GDI2: variants seen among roughly 807,000 people sequenced by gnomAD.
The protein encoded by GDI2 is GDP dissociation inhibitor 2, also known as rab GDP dissociation inhibitor beta.
A neutral mutation model predicts 54.2 loss-of-function variants in GDI2; 22 were observed. The ratio of observed to expected loss-of-function variants is 0.41; its 90% CI spans 0.29 to 0.58. The LOEUF (loss-of-function observed/expected upper bound fraction) is 0.58, where lower values mean the gene tolerates loss of function less well. Among genes scored for constraint, GDI2 ranks in the 20% least tolerant of loss-of-function variants. GDI2 has a pLI of 0.35. For synonymous variants in GDI2, 177 were observed against 182.1 expected (o/e 0.97, Z 0.23); for missense variants, 422 against 546.0 (o/e 0.77, Z 2.26).
chr10:5,804,637 T>C (rs576794098), intron 1 of GDI2, among the ~76,000 whole-genome samples: 2 of 152,170 alleles, frequency 1.3e-5, no homozygotes, highest in Non-Finnish European at 2.9e-5. Context: ...TTTATTATCA[T>C]TGCTATAGAG....
intron 1 of GDI2, among the ~76,000 whole-genome samples, chr10:5,805,006 G>T (rs1210172522): frequency 6.6e-6 from 1 of 151,832 alleles, no homozygotes; most frequent in East Asian, 1.9e-4. Context: ...GCTAATTTTT[G>T]TATTTTTAGT....
intron 6 of GDI2, among the ~76,000 whole-genome samples, chr10:5,781,075 T>C (rs1840743561): frequency 6.6e-6 from 1 of 151,360 alleles, no homozygotes. Flanking sequence ...CAAAACAAAC[T>C]CATATGTAGC....
intron 4 of GDI2, among the ~76,000 whole-genome samples, chr10:5,786,770 CTG>C (rs1337917940): frequency 6.6e-6 from 1 of 152,214 alleles, no homozygotes; most frequent in African/African-American, 2.4e-5. Context: ...TTTTCCGCCT[CTG>C]TATGCTAAGA....
intron 1 of GDI2, among the ~76,000 whole-genome samples, chr10:5,810,295 GA>G (rs1055627713): frequency 8.5e-5 from 13 of 152,168 alleles, no homozygotes; most frequent in African/African-American, 2.6e-4. Context: ...AAAATGGGAA[GA>G]AAAAAACCTC....
intron 1 of GDI2, chr10:5,811,863 T>A (rs1260247722): frequency 1.2e-6 from 1 of 868,756 alleles, no homozygotes; most frequent in Non-Finnish European, 1.6e-6. Flanking sequence ...CGATTCTAAT[T>A]CTTCACAAAC....
rs376239370 is a variant in GDI2, at chr10:5,768,396, C to T, written c.820-12G>A. On this transcript the variant is annotated splice_polypyrimidine_tract_variant and intron_variant, in intron 7 of 10. Transcript: ENST00000380191. This position sits in a 1 kb window ranked among gnomAD's most constrained non-coding sequence, Gnocchi z 4.4. ...TTACAGCGAGCAATCTATAACAAAG[C>T]ATTTAAGAAGACACTGAAGCGGACA... is the stretch of plus-strand genomic sequence containing the variant. 4 of 1,586,188 alleles carry T rather than the reference C, an allele frequency of 2.5e-6. No homozygotes were observed. In the African/African-American group the frequency reaches 4.0e-5, roughly 16 times the overall value.
At chr10:5,788,837 A>C (rs1199901894) in intron 4 of GDI2, among the ~76,000 whole-genome samples, 1 of 151,832 alleles carries the variant, frequency 6.6e-6, no homozygotes, top group African/African-American at 2.4e-5. Flanking sequence ...ATTTCGGCTC[A>C]CTGCAACCTC....
At chr10:5,788,913 C>A (rs367575455) in intron 4 of GDI2, among the ~76,000 whole-genome samples, 54 of 152,194 alleles carry the variant, frequency 3.5e-4, no homozygotes, top group African/African-American at 1.2e-3. Flanking sequence ...AAGGCATGCA[C>A]CATCAGACCT....
In GDI2 at chr10:5,808,283, C is replaced by CT. The variant is rs201774176; in HGVS notation, c.45+4930_45+4931insA. Among the ~76,000 whole-genome samples the CT allele has an allele frequency of 5.3e-3, 812 of 152,320 alleles. 9 individuals are homozygous for CT. Among genetic ancestry groups the CT allele is most frequent in the African/African-American group, 0.019 (778 of 41,558 alleles). On this transcript the variant is annotated intron_variant, in intron 1 of 10. Coordinates refer to ENST00000380191, the MANE Select transcript of GDI2 (RefSeq NM_001494.4). The stretch of plus-strand genomic sequence containing the variant: ...GAGGCTACAGTGAGCTGTGATCACA[C>CT]AACTGCACTCCAGCCTGGGTAAGAG...
chr10:5,793,730 C>T (rs902406740), intron 4 of GDI2, among the ~76,000 whole-genome samples: 1 of 152,170 alleles, frequency 6.6e-6, no homozygotes, highest in Admixed American at 6.6e-5. Context: ...CCAAACTGCT[C>T]CATACAAGGA....
intron 7 of GDI2, among the ~76,000 whole-genome samples, chr10:5,771,652 A>G (rs1228390770): frequency 1.3e-5 from 2 of 152,046 alleles, no homozygotes; most frequent in South Asian, 2.1e-4. Flanking sequence ...TCTTAAGGCT[A>G]TGCTTCCTAA....
At chr10:5,800,388 G>A (rs953166897) in intron 2 of GDI2, among the ~76,000 whole-genome samples, 1 of 152,152 alleles carries the variant, frequency 6.6e-6, no homozygotes, top group Non-Finnish European at 1.5e-5. Context: ...ACTATTCTCT[G>A]TTAATGCTAA....
At chr10:5,795,383 A>C (rs1841122232) in intron 3 of GDI2, among the ~76,000 whole-genome samples, 1 of 152,180 alleles carries the variant, frequency 6.6e-6, no homozygotes, top group African/African-American at 2.4e-5. Context: ...TGGCCTCCCA[A>C]GTGCTGGGAT....
intron 1 of GDI2, among the ~76,000 whole-genome samples, chr10:5,804,096 CT>C (rs34897650): frequency 6.1e-5 from 9 of 147,316 alleles, no homozygotes; most frequent in Non-Finnish European, 7.5e-5. Flanking sequence ...ATCATTCTTT[CT>C]TTTTTTTTTT....
chr10:5,785,240 A>G lies in GDI2; in HGVS notation c.621T>C (p.Asn207=). 2.5e-6 allele frequency: 4 copies of G among 1,602,264 alleles called. No homozygotes were observed. The highest frequency in any genetic ancestry group is 3.4e-6 in the Non-Finnish European group (4 of 1,169,758). ...AAGATTCACTGTAAAGTTTAATTCT[A>G]TTAATGGTTTCATAACACGGTTGAT... ...YLDQPCYETI[N]RIKLYSESLA... Residue 207 remains asparagine (N), a synonymous_variant, in exon 6 of 11, where the codon AAT becomes AAC. Transcript: ENST00000380191.
chr10:5,801,868 G>A (rs1302424990), intron 1 of GDI2, among the ~76,000 whole-genome samples: 1 of 151,882 alleles, frequency 6.6e-6, no homozygotes, highest in Non-Finnish European at 1.5e-5. Flanking sequence ...AAAATTAGCA[G>A]GGCATGGTGG....
Position 5,765,886 on chromosome 10 carries a change from C to A in GDI2, c.*120G>T. On this transcript the variant is annotated 3_prime_UTR_variant, in exon 11 of 11. Coordinates refer to ENST00000380191, the MANE Select transcript of GDI2 (RefSeq NM_001494.4). ...AGGTGAAGGGGAGTATTTACTGGCA[C>A]AGCGCTCTTCATTCTCTCCATTTTC... The A allele has an allele frequency of 1.4e-6, 1 of 727,922 alleles. No individual in the cohort carries two copies. Among genetic ancestry groups the A allele is most frequent in the Non-Finnish European group, 2.3e-6 (1 of 443,464 alleles). The allele number at this position is 727,922 out of a possible 1,614,324, so 45.1% of individuals were successfully genotyped here.
At chr10:5,786,966 C>G (rs1840894324) in intron 4 of GDI2, among the ~76,000 whole-genome samples, 1 of 152,138 alleles carries the variant, frequency 6.6e-6, no homozygotes, top group African/African-American at 2.4e-5. Context: ...CTTTATAAAT[C>G]CTCAGCTTTT....
At chr10:5,797,468 A>T (rs1228419540) in intron 2 of GDI2, among the ~76,000 whole-genome samples, 2 of 147,300 alleles carry the variant, frequency 1.4e-5, no homozygotes, top group Middle Eastern at 3.5e-3. Flanking sequence ...TCGTTTCAAC[A>T]TGCGAGGCAG....
Sources: allele counts gnomAD v4.1 joint callset (sites outside exome capture counted in the v4.1 genomes callset), GRCh38; gene constraint gnomAD v4.1.1; non-coding constraint Gnocchi (gnomAD v3.1); transcripts MANE v1.5; gene names NCBI Gene and HGNC (gene_info 2026-07-23, HGNC 2026-07-21).